CRYBG1: variants seen among roughly 807,000 people sequenced by gnomAD.
CRYBG1 encodes the protein crystallin beta-gamma domain containing 1, also known as beta/gamma crystallin domain-containing protein 1.
In CRYBG1, 139 loss-of-function variants were observed where a neutral mutation model predicts 189.2. That is an observed-to-expected ratio of 0.73 (90% confidence interval 0.64 to 0.85). CRYBG1 has a LOEUF of 0.85. Among genes scored for constraint, CRYBG1 ranks in the 40% least tolerant of loss-of-function variants. CRYBG1 has a pLI of 0.00. For missense variants in CRYBG1, 2,611 were observed against 2,675.8 expected (o/e 0.98, Z 0.53); for synonymous variants, 1,023 against 1,017.1 (o/e 1.01, Z -0.11).
intron 13 of CRYBG1, among the ~76,000 whole-genome samples, chr6:106,550,173 A>G (rs908810150): frequency 6.6e-6 from 1 of 152,230 alleles, no homozygotes; most frequent in African/African-American, 2.4e-5. Context: ...ATCTAGTGCC[A>G]GTCTAGTTCC....
chr6:106,417,279 G>A (rs2114382182), intron 1 of CRYBG1, among the ~76,000 whole-genome samples: 1 of 152,256 alleles, frequency 6.6e-6, no homozygotes, highest in South Asian at 2.1e-4. Context: ...GGAAGAAAAT[G>A]TGGCAGCTGA....
intron 6 of CRYBG1, among the ~76,000 whole-genome samples, chr6:106,526,313 A>G (rs1048088827): frequency 2.0e-5 from 3 of 152,194 alleles, no homozygotes; most frequent in African/African-American, 7.2e-5. Flanking sequence ...TTATTCTTAA[A>G]TTTGAAGACA....
At chr6:106,544,969 C>T (rs2066201) in intron 13 of CRYBG1, 36 bp downstream of exon 13, 5 of 1,571,948 alleles carry the variant, frequency 3.2e-6, no homozygotes, top group Non-Finnish European at 4.3e-6. Context: ...TTTAAACATG[C>T]GTTTTACCTT....
At chr6:106,477,584 TC>T (rs1212882044) in intron 2 of CRYBG1, among the ~76,000 whole-genome samples, 2 of 152,214 alleles carry the variant, frequency 1.3e-5, no homozygotes, top group Non-Finnish European at 2.9e-5. Context: ...AAATTAAACT[TC>T]ATGTATTTGA....
At chr6:106,361,407 C>A (rs976876341) in intron 1 of CRYBG1, among the ~76,000 whole-genome samples, 1 of 152,188 alleles carries the variant, frequency 6.6e-6, no homozygotes, top group Non-Finnish European at 1.5e-5. Context: ...GGGTTGTTAC[C>A]GTCCTAAATG....
rs1227804785 is a variant in CRYBG1, at chr6:106,481,222, C to T, written c.312+29390C>T. Among the ~76,000 whole-genome samples the T allele has an allele frequency of 8.4e-5, 5 of 59,592 alleles. 2 individuals are homozygous for T. Among genetic ancestry groups the T allele is most frequent in the African/African-American group, 4.5e-4 (5 of 11,158 alleles). The allele number at this position is 59,592 out of a possible 152,430, so 39.1% of individuals were successfully genotyped here. The stretch of plus-strand genomic sequence containing the variant: ...ATCTCTTGACCTCGTGATCCGCCCG[C>T]CTCGGCCTCCCAAAGTGCTGGGATT... On this transcript the variant is annotated intron_variant, in intron 2 of 21. Transcript: ENST00000633556.
At chr6:106,525,508 T>C in intron 6 of CRYBG1, 122 bp downstream of exon 6, 3 of 755,966 alleles carry the variant, frequency 4.0e-6, no homozygotes, top group South Asian at 1.5e-5. Flanking sequence ...CAGGAAATAC[T>C]ACTCGTGGTA....
Position 106,517,327 on chromosome 6 carries a change from TACACATATATATATACAC to T in CRYBG1, c.1923-1784_1923-1767del, listed in dbSNP as rs776255514. Among the ~76,000 whole-genome samples, 110 of 117,076 alleles carry T rather than the reference TACACATATATATATACAC, an allele frequency of 9.4e-4. 3 individuals carry two copies. The South Asian group carries it at 0.026, about 28-fold the overall frequency. The allele number at this position is 117,076 out of a possible 152,430, so 76.8% of individuals were successfully genotyped here. Reference sequence around the variant, plus strand: ...ATACACACACACACACATATATATATACACATATATATATACACACACATATATATATACACATATATA... The same window carrying T: ...ATACACACACACACACATATATATATACACATATATATATACACATATATA... On this transcript the variant is annotated intron_variant, in intron 3 of 21. Transcript: ENST00000633556.
chr6:106,436,902 A>G (rs1196164105), intron 1 of CRYBG1, among the ~76,000 whole-genome samples: 5 of 126,856 alleles, frequency 3.9e-5, no homozygotes, highest in Non-Finnish European at 7.7e-5. Context: ...TGTAGCAATT[A>G]ATATAACCCC....
intron 17 of CRYBG1, 92 bp downstream of exon 17, chr6:106,555,989 T>TA (rs1227857365): frequency 4.9e-6 from 7 of 1,420,032 alleles, no homozygotes; most frequent in Non-Finnish European, 6.9e-6. Flanking sequence ...AACCTGCTCT[T>TA]AAAGTTAGTT....
intron 1 of CRYBG1, among the ~76,000 whole-genome samples, chr6:106,432,977 C>G (rs531271110): frequency 2.6e-5 from 4 of 151,364 alleles, no homozygotes; most frequent in Admixed American, 6.6e-5. Context: ...GTAGCTGGAA[C>G]TATAGGCAGG....
chr6:106,391,674 T>C (rs1424515113), intron 1 of CRYBG1, among the ~76,000 whole-genome samples: 1 of 152,156 alleles, frequency 6.6e-6, no homozygotes, highest in Non-Finnish European at 1.5e-5. Context: ...GCCTTATTTG[T>C]CTAATGCTTT....
In CRYBG1 at chr6:106,569,930, G is replaced by T. The variant is rs1205892357; in HGVS notation, c.*1364G>T. 6.6e-6 allele frequency: 1 copy of T among 152,114 alleles called. No individual in the cohort carries two copies. The highest frequency in any genetic ancestry group is 2.4e-5 in the African/African-American group (1 of 41,428). The allele number at this position is 152,114 out of a possible 1,614,324, so 9.4% of individuals were successfully genotyped here. ...AAAAGAGACCTTTAGGGATGTTGCTGGTCAAGTCTTGATTTGACCGGAGTC... is the reference window on the plus strand; with the variant it reads ...AAAAGAGACCTTTAGGGATGTTGCTTGTCAAGTCTTGATTTGACCGGAGTC... On this transcript the variant is annotated 3_prime_UTR_variant, in exon 22 of 22. Coordinates refer to ENST00000633556, the MANE Select transcript of CRYBG1 (RefSeq NM_001371242.2).
Position 106,520,834 on chromosome 6 carries a change from G to A in CRYBG1, c.3626G>A (p.Gly1209Glu), listed in dbSNP as rs866622614. Residue 1209 changes from glycine (G) to glutamate (E), a missense_variant, in exon 4 of 22, where the codon GGG becomes GAG. By Grantham distance (98) the Gly-to-Glu change is moderately conservative (BLOSUM62 -2). This residue lies in a region of CRYBG1 where 1,622 missense variants were observed against 1,735.0 expected (regional missense o/e 0.93). Coordinates refer to ENST00000633556, the MANE Select transcript of CRYBG1 (RefSeq NM_001371242.2). ...LFKSLHTNTN[G>E]NSEPLVMPEI... ...AAGTCCCTGCACACCAACACTAATG[G>A]GAACAGTGAGCCTCTGGTGATGCCG... is the stretch of plus-strand genomic sequence containing the variant. The A allele has an allele frequency of 6.2e-7, 1 of 1,614,082 alleles. No individual in the cohort carries two copies. Among genetic ancestry groups the A allele is most frequent in the Admixed American group, 1.7e-5 (1 of 60,002 alleles).
chr6:106,424,966 C>G (rs112741504), intron 1 of CRYBG1, among the ~76,000 whole-genome samples: 3,681 of 152,284 alleles, frequency 0.024, 155 homozygotes, highest in African/African-American at 0.084. Context: ...ATCCCGCAGA[C>G]TCTCTGAGGT....
chr6:106,543,629 T>C (rs766326699), intron 11 of CRYBG1, 32 bp downstream of exon 11: 3 of 1,592,302 alleles, frequency 1.9e-6, no homozygotes, highest in Non-Finnish European at 1.7e-6. Flanking sequence ...TAGGATTTCT[T>C]TTTTTTCCGA....
chr6:106,487,352 T>C lies in CRYBG1; in HGVS notation c.313-24078T>C, dbSNP rs148951392. 4.4e-3 allele frequency among the ~76,000 whole-genome samples: 672 copies of C among 152,344 alleles called. 4 individuals are homozygous for C. The highest frequency in any genetic ancestry group is 0.015 in the African/African-American group (622 of 41,588). ...CACTGGGGTATTCTGAGCATGGTTA[T>C]GGATTTACCTATATTGGTGAGTTTT... On this transcript the variant is annotated intron_variant, in intron 2 of 21. Coordinates refer to ENST00000633556, the MANE Select transcript of CRYBG1 (RefSeq NM_001371242.2).
intron 1 of CRYBG1, among the ~76,000 whole-genome samples, chr6:106,384,415 T>C (rs1352048656): frequency 6.6e-6 from 1 of 152,184 alleles, no homozygotes; most frequent in Non-Finnish European, 1.5e-5. Flanking sequence ...TACATTGTAA[T>C]ATATAATGAA....
At chr6:106,475,222 A>T (rs1040135079) in intron 2 of CRYBG1, among the ~76,000 whole-genome samples, 1 of 152,200 alleles carries the variant, frequency 6.6e-6, no homozygotes, top group Non-Finnish European at 1.5e-5. Context: ...TAATCAGCTA[A>T]CTGAAACTTA....
Sources: gnomAD v4.1 joint callset for allele counts (sites outside exome capture counted in the v4.1 genomes callset) on GRCh38, gnomAD v4.1.1 for gene constraint, gnomAD v4.1.1 regional missense constraint, MANE v1.5 for transcripts, NCBI Gene and HGNC (gene_info 2026-07-23, HGNC 2026-07-21) for gene names.